KAZN: variants seen among roughly 807,000 people sequenced by gnomAD.
The protein encoded by KAZN is kazrin.
A neutral mutation model predicts 87.4 loss-of-function variants in KAZN; 40 were observed. The observed-to-expected ratio is 0.46, with a 90% confidence interval of 0.36 to 0.60. The LOEUF (loss-of-function observed/expected upper bound fraction) is 0.60, where lower values mean the gene tolerates loss of function less well. KAZN is among the 20% of genes least tolerant of loss of function. The pLI is 0.00. For synonymous variants in KAZN, 466 were observed against 458.3 expected, an observed-to-expected ratio of 1.02 and a Z score of -0.22; for missense variants, 898 against 1,073.9, an observed-to-expected ratio of 0.84 and a Z score of 2.29.
At chr1:14,864,549 G>A (rs539543360) in intron 1 of KAZN, among the ~76,000 whole-genome samples, 95 of 152,298 alleles carry the variant, frequency 6.2e-4, no homozygotes, top group Non-Finnish European at 1.2e-3. Flanking sequence ...GCGATAGATG[G>A]AGACTCAGTC....
At chr1:14,308,647 CA>C (rs1655088549) in intron 2 of KAZN, among the ~76,000 whole-genome samples, 1 of 152,140 alleles carries the variant, frequency 6.6e-6, no homozygotes, top group African/African-American at 2.4e-5. Flanking sequence ...TGACCTTGGG[CA>C]ACATACCCAA....
intron 1 of KAZN, among the ~76,000 whole-genome samples, chr1:14,092,441 TAATA>T (rs974700120): frequency 7.3e-5 from 11 of 149,936 alleles, no homozygotes; most frequent in Admixed American, 1.3e-4. Context: ...TATATAACAG[TAATA>T]AATAAATAAA....
chr1:14,339,193 C>T (rs911347057), intron 2 of KAZN, among the ~76,000 whole-genome samples: 2 of 152,068 alleles, frequency 1.3e-5, no homozygotes, highest in Non-Finnish European at 2.9e-5. Flanking sequence ...TAAAAACAGG[C>T]GTTCAAAGCT....
chr1:14,869,376 T>C (rs1426619030), intron 1 of KAZN, among the ~76,000 whole-genome samples: 1 of 152,234 alleles, frequency 6.6e-6, no homozygotes, highest in African/African-American at 2.4e-5. Context: ...ACGCAGGGGC[T>C]GTGACTGTAT....
At chr1:14,730,541 G>A (rs1643632275) in intron 1 of KAZN, among the ~76,000 whole-genome samples, 1 of 152,110 alleles carries the variant, frequency 6.6e-6, no homozygotes, top group Non-Finnish European at 1.5e-5. Context: ...CACAGGCAGA[G>A]TCTCATGTAA....
At chr1:14,156,649 A>G (rs1455086869) in intron 1 of KAZN, among the ~76,000 whole-genome samples, 1 of 152,202 alleles carries the variant, frequency 6.6e-6, no homozygotes, top group African/African-American at 2.4e-5. Flanking sequence ...ATATGAGTAT[A>G]GTAACTCCGA....
At chr1:14,619,230 C>CAAAA (rs1478501538) in intron 1 of KAZN, among the ~76,000 whole-genome samples, 1 of 151,168 alleles carries the variant, frequency 6.6e-6, no homozygotes, top group East Asian at 1.9e-4. Flanking sequence ...CAAAATTTTA[C>CAAAA]TCTCTTGCCT....
chr1:15,094,969 A>G lies in KAZN; in HGVS notation c.1547+36A>G. ...CACGAGGGGCCCCGGGGGAGGAGAG[A>G]AAAAGTCATCCTGAGGCCTTTGGTC... On this transcript the variant is annotated intron_variant, in intron 10 of 14. Coordinates refer to ENST00000376030, the MANE Select transcript of KAZN (RefSeq NM_201628.3). The surrounding 1 kb of genome is among the most constrained non-coding windows in gnomAD (Gnocchi z 4.5). 6.9e-7 allele frequency: 1 copy of G among 1,447,832 alleles called. No individual in the cohort carries two copies. The highest frequency in any genetic ancestry group is 2.5e-5 in the East Asian group (1 of 40,224). 89.7% of individuals were successfully genotyped at this position (1,447,832 alleles called of 1,614,324 possible).
chr1:14,529,394 G>C lies in KAZN; in HGVS notation c.250-69589G>C, dbSNP rs138137962. On this transcript the variant is annotated intron_variant, in intron 2 of 16. Coordinates refer to the KAZN transcript ENST00000636203. ...ATCATGTGTCTCTGAGGGGGGATTA[G>C]GATTGTGATTTGGATTCATGCAAAG... 2.1e-3 allele frequency among the ~76,000 whole-genome samples: 326 copies of C among 152,314 alleles called. 1 individual carries two copies. The highest frequency in any genetic ancestry group is 7.7e-3 in the African/African-American group (319 of 41,566).
At chr1:14,705,517 A>G (rs899631026) in intron 1 of KAZN, among the ~76,000 whole-genome samples, 1 of 152,228 alleles carries the variant, frequency 6.6e-6, no homozygotes, top group African/African-American at 2.4e-5. Flanking sequence ...TAACCAAGAT[A>G]TGGAATCAAC....
At chr1:14,182,832 A>G (rs1646226545) in intron 2 of KAZN, among the ~76,000 whole-genome samples, 1 of 152,228 alleles carries the variant, frequency 6.6e-6, no homozygotes, top group Admixed American at 6.5e-5. Flanking sequence ...CAAGAGTGGG[A>G]GGCCGATAGA....
chr1:14,679,558 C>T (rs1241083118), intron 1 of KAZN, among the ~76,000 whole-genome samples: 1 of 152,076 alleles, frequency 6.6e-6, no homozygotes, highest in African/African-American at 2.4e-5. Context: ...TAGGAACTAA[C>T]ACTCCCTCCC....
chr1:14,419,908 G>C (rs764124817), intron 2 of KAZN, among the ~76,000 whole-genome samples: 1 of 152,164 alleles, frequency 6.6e-6, no homozygotes, highest in South Asian at 2.1e-4. Context: ...AGCAACAATG[G>C]GATTTATTGC....
intron 2 of KAZN, among the ~76,000 whole-genome samples, chr1:14,287,262 C>T (rs1486201185): frequency 6.6e-6 from 1 of 152,180 alleles, no homozygotes; most frequent in Non-Finnish European, 1.5e-5. Context: ...TGATTCCCTT[C>T]CCACTTGTCT....
intron 1 of KAZN, among the ~76,000 whole-genome samples, chr1:14,707,755 G>A (rs567513057): frequency 4.6e-5 from 7 of 152,240 alleles, no homozygotes; most frequent in South Asian, 2.1e-4. Flanking sequence ...CATTTACGCC[G>A]AAGTCATCAA....
chr1:14,580,516 AAAG>A (rs1675480727), intron 2 of KAZN, among the ~76,000 whole-genome samples: 1 of 126,014 alleles, frequency 7.9e-6, no homozygotes, highest in Non-Finnish European at 1.7e-5. Context: ...ATAAATAAAT[AAAG>A]TATATTAATA....
chr1:14,832,917 G>C (rs1647092180), intron 1 of KAZN, among the ~76,000 whole-genome samples: 1 of 152,214 alleles, frequency 6.6e-6, no homozygotes, highest in East Asian at 1.9e-4. Context: ...TTTAGGGCTT[G>C]TCGAAGGCCG....
intron 1 of KAZN, among the ~76,000 whole-genome samples, chr1:14,906,201 A>G: frequency 1.0e-5 from 1 of 96,264 alleles, no homozygotes; most frequent in African/African-American, 3.1e-5. Context: ...TAATAATAAT[A>G]ATAATAATAA....
At chr1:14,176,551 T>A (rs1360652852) in intron 1 of KAZN, among the ~76,000 whole-genome samples, 1 of 152,174 alleles carries the variant, frequency 6.6e-6, no homozygotes, top group Non-Finnish European at 1.5e-5. Context: ...TCAGGCTAAG[T>A]GAGAATCAGG....
Sources: gnomAD v4.1 joint callset for allele counts (sites outside exome capture counted in the v4.1 genomes callset) on GRCh38, gnomAD v4.1.1 for gene constraint, Gnocchi (gnomAD v3.1) non-coding constraint, MANE v1.5 for transcripts, NCBI Gene and HGNC (gene_info 2026-07-23, HGNC 2026-07-21) for gene names.